The following MEF2C variants were observed in gnomAD, a reference collection of about 807,000 sequenced individuals.
MEF2C encodes myocyte enhancer factor 2C, also known as myocyte-specific enhancer factor 2C.
In MEF2C, 6 loss-of-function variants were observed where a neutral mutation model predicts 50.5. The observed-to-expected ratio is 0.12, with a 90% CI of 0.07 to 0.23. The LOEUF is 0.23. Ranked by LOEUF, MEF2C falls within the 10% of genes least tolerant of loss-of-function variation. The pLI, the probability that MEF2C is intolerant of heterozygous loss-of-function variation, is 1.00. For missense variants in MEF2C, 276 were observed against 605.0 expected (o/e 0.46, Z 5.70); for synonymous variants, 183 against 228.0 (o/e 0.80, Z 1.78).
At chr5:88,797,454 C>CTTTTTT (rs1169605093) in intron 3 of MEF2C, among the ~76,000 whole-genome samples, 682 of 25,202 alleles carry the variant, frequency 0.027, 236 homozygotes, top group Non-Finnish European at 0.046. Flanking sequence ...GCAACCCTTG[C>CTTTTTT]CTTTTTTTTT....
At chr5:88,799,884 A>T (rs1411042175) in intron 3 of MEF2C, among the ~76,000 whole-genome samples, 1 of 89,794 alleles carries the variant, frequency 1.1e-5, no homozygotes, top group African/African-American at 3.4e-5. Context: ...ACACACACAC[A>T]CACACACACA....
chr5:88,838,840 G>C (rs1175273601), intron 1 of MEF2C: 2 of 499,430 alleles, frequency 4.0e-6, no homozygotes, highest in African/African-American at 4.2e-5. Context: ...ATTTTATACA[G>C]TTACCTACTT....
chr5:88,854,986 G>T (rs1197200648), intron 1 of MEF2C, among the ~76,000 whole-genome samples: 1 of 152,166 alleles, frequency 6.6e-6, no homozygotes, highest in Non-Finnish European at 1.5e-5. Context: ...TTCTAGAATA[G>T]CTTATGTGTG....
chr5:88,810,625 T>A (rs1802376152), intron 2 of MEF2C, among the ~76,000 whole-genome samples: 1 of 152,168 alleles, frequency 6.6e-6, no homozygotes, highest in African/African-American at 2.4e-5. Context: ...AATTTGAGAC[T>A]GGATGGTAGT....
chr5:88,779,170 C>T (rs1188669197), intron 3 of MEF2C, among the ~76,000 whole-genome samples: 1 of 152,186 alleles, frequency 6.6e-6, no homozygotes, highest in African/African-American at 2.4e-5. Flanking sequence ...CACATATTAA[C>T]CACCTAATAG....
intron 4 of MEF2C, among the ~76,000 whole-genome samples, chr5:88,757,732 A>G (rs993660491): frequency 2.6e-5 from 4 of 152,142 alleles, no homozygotes; most frequent in African/African-American, 9.7e-5. Context: ...CCTGGCCAAC[A>G]TGGTGAAACT....
chr5:88,851,063 T>C (rs1286404537), intron 1 of MEF2C, among the ~76,000 whole-genome samples: 1 of 151,992 alleles, frequency 6.6e-6, no homozygotes, highest in Non-Finnish European at 1.5e-5. Flanking sequence ...TGAAACCCCA[T>C]CTCTACTAAA....
chr5:88,894,956 C>G (rs1834964376), intron 1 of MEF2C, among the ~76,000 whole-genome samples: 1 of 152,038 alleles, frequency 6.6e-6, no homozygotes, highest in South Asian at 2.1e-4. Context: ...TCTAAATGCC[C>G]TTTTTGTAAA....
At chr5:88,862,096 A>G (rs1825702527) in intron 1 of MEF2C, among the ~76,000 whole-genome samples, 1 of 152,230 alleles carries the variant, frequency 6.6e-6, no homozygotes, top group Non-Finnish European at 1.5e-5. Flanking sequence ...GTTATCTAGC[A>G]GCTGCGACCA....
At chr5:88,737,934 A>G (rs1764794283) in intron 6 of MEF2C, 13 of 985,244 alleles carry the variant, frequency 1.3e-5, no homozygotes, top group African/African-American at 1.7e-5. Context: ...TTAGGAAAGG[A>G]ACAATGATGG....
chr5:88,733,826 TA>T, intron 6 of MEF2C: 1 of 985,424 alleles, frequency 1.0e-6, no homozygotes, highest in Non-Finnish European at 1.2e-6. Flanking sequence ...AAACGTGTGT[TA>T]AGTGACAGGA....
intron 2 of MEF2C, among the ~76,000 whole-genome samples, chr5:88,821,599 T>C (rs572919399): frequency 1.1e-4 from 16 of 152,048 alleles, no homozygotes; most frequent in East Asian, 5.8e-4. Context: ...TGTTACAACA[T>C]GAGTGAAACT....
At chr5:88,747,314 ATTT>A (rs72065967) in intron 6 of MEF2C, among the ~76,000 whole-genome samples, 1 of 22,190 alleles carries the variant, frequency 4.5e-5, no homozygotes, top group Non-Finnish European at 1.6e-4. Context: ...TTTCCTCCAC[ATTT>A]TTTTTTTTTT....
chr5:88,758,189 A>T (rs960538804), intron 4 of MEF2C, among the ~76,000 whole-genome samples: 2 of 152,138 alleles, frequency 1.3e-5, no homozygotes, highest in Non-Finnish European at 2.9e-5. Flanking sequence ...TCCTACATAC[A>T]ACATTATTTC....
At chr5:88,810,542 T>C (rs1802348243) in intron 2 of MEF2C, among the ~76,000 whole-genome samples, 1 of 152,024 alleles carries the variant, frequency 6.6e-6, no homozygotes, top group Non-Finnish European at 1.5e-5. Context: ...TCAGCAAAAA[T>C]GTACTGAACT....
chr5:88,746,402 A>G (rs1282496243), intron 6 of MEF2C: 9 of 557,080 alleles, frequency 1.6e-5, no homozygotes, highest in Non-Finnish European at 2.0e-5. Context: ...TAAATGTTCA[A>G]TTTACTTCCT....
chr5:88,842,934 G>A (rs1421515495), intron 1 of MEF2C, among the ~76,000 whole-genome samples: 1 of 152,060 alleles, frequency 6.6e-6, no homozygotes, highest in Non-Finnish European at 1.5e-5. Context: ...GAAATGTCTG[G>A]ACTGGAGAGG....
chr5:88,866,306 C>T (rs1827362256), intron 1 of MEF2C, among the ~76,000 whole-genome samples: 1 of 152,116 alleles, frequency 6.6e-6, no homozygotes, highest in East Asian at 1.9e-4. Context: ...TGAAACAAAG[C>T]GGAAGCAAAT....
At chr5:88,828,906 T>C (rs987768506) in intron 1 of MEF2C, among the ~76,000 whole-genome samples, 1 of 151,952 alleles carries the variant, frequency 6.6e-6, no homozygotes, top group Non-Finnish European at 1.5e-5. Flanking sequence ...TCCATTTCTC[T>C]CTAAGCTTAC....
Sources: allele counts gnomAD v4.1 joint callset (sites outside exome capture counted in the v4.1 genomes callset), GRCh38; gene constraint gnomAD v4.1.1; transcripts MANE v1.5; gene names NCBI Gene and HGNC (gene_info 2026-07-23, HGNC 2026-07-21).